Variants in BAIAP2 observed in about 807,000 individuals in gnomAD.
The protein encoded by BAIAP2 is BAR/IMD domain-containing adapter protein 2.
In BAIAP2, 18 loss-of-function variants were observed where a neutral mutation model predicts 63.0. The ratio of observed to expected loss-of-function variants is 0.29; its 90% CI spans 0.20 to 0.42. The LOEUF (loss-of-function observed/expected upper bound fraction) is 0.42. Among genes scored for constraint, BAIAP2 ranks in the 10% least tolerant of loss-of-function variants. The pLI is 1.00. For synonymous variants in BAIAP2, 386 were observed against 307.6 expected, an observed-to-expected ratio of 1.25 and a Z score of -2.67; for missense variants, 610 against 734.3, an observed-to-expected ratio of 0.83 and a Z score of 1.96.
At chr17:81,088,728 C>T (rs2056170737) in intron 6 of BAIAP2, among the ~76,000 whole-genome samples, 1 of 152,236 alleles carries the variant, frequency 6.6e-6, no homozygotes, top group African/African-American at 2.4e-5. Context: ...CTTTTCATGG[C>T]TAAATCGTGT....
chr17:81,047,685 G>A (rs535517668), intron 1 of BAIAP2, among the ~76,000 whole-genome samples: 5 of 150,730 alleles, frequency 3.3e-5, no homozygotes, highest in African/African-American at 9.8e-5. Flanking sequence ...TCCATCTCAT[G>A]CCCACAGCAC....
rs532654157 is a variant in BAIAP2, at chr17:81,108,468, C to T, written c.1501-7C>T. The T allele has an allele frequency of 3.1e-6, 5 of 1,613,772 alleles. No homozygotes were observed. In the South Asian group the frequency reaches 3.3e-5, roughly 11 times the overall value. On this transcript the variant is annotated splice_polypyrimidine_tract_variant and splice_region_variant and intron_variant, in intron 12 of 13. Coordinates refer to ENST00000428708, the MANE Select transcript of BAIAP2 (RefSeq NM_001144888.2). ...CCGGCCTGACATGTTTCTGCCTCTG[C>T]CCCCAGGGCCTGGATGACTATGGAG...
intron 3 of BAIAP2, among the ~76,000 whole-genome samples, chr17:81,063,327 G>C (rs1203553891): frequency 2.0e-5 from 3 of 152,180 alleles, no homozygotes; most frequent in Non-Finnish European, 4.4e-5. Context: ...CTGTGTCTTA[G>C]GGTCCATCTG....
At chr17:81,048,356 C>CAAAAA (rs5822388) in intron 1 of BAIAP2, among the ~76,000 whole-genome samples, 1 of 90,238 alleles carries the variant, frequency 1.1e-5, no homozygotes. Context: ...GACTCTGTCT[C>CAAAAA]AAAAAAAAAA....
At chr17:81,036,989 G>A in intron 1 of BAIAP2, 2 of 1,517,786 alleles carry the variant, frequency 1.3e-6, no homozygotes, top group Non-Finnish European at 1.8e-6. Context: ...TTTTGCTCTG[G>A]GGGACCGACC....
chr17:81,076,964 C>T (rs2053763644), intron 3 of BAIAP2, among the ~76,000 whole-genome samples: 1 of 152,158 alleles, frequency 6.6e-6, no homozygotes, highest in African/African-American at 2.4e-5. Flanking sequence ...AGTGAGACCC[C>T]TGGCTCTAAA....
intron 3 of BAIAP2, among the ~76,000 whole-genome samples, chr17:81,072,573 C>T (rs913818118): frequency 2.0e-5 from 3 of 152,218 alleles, no homozygotes; most frequent in Non-Finnish European, 1.5e-5. Flanking sequence ...ATTCCTGGCC[C>T]CTGTCCGAGA....
At chr17:81,091,725 C>T (rs528408699) in intron 6 of BAIAP2, among the ~76,000 whole-genome samples, 2 of 152,228 alleles carry the variant, frequency 1.3e-5, no homozygotes, top group African/African-American at 2.4e-5. Context: ...AGTGACCCCA[C>T]GCAAGGGTGG....
chr17:81,114,442 CT>C (rs1455693180), intron 13 of BAIAP2, among the ~76,000 whole-genome samples: 1 of 152,124 alleles, frequency 6.6e-6, no homozygotes, highest in African/African-American at 2.4e-5. Flanking sequence ...TAGGCAGCCC[CT>C]ACCCAGGCCC....
At chr17:81,095,628 G>C (rs757717897) in intron 6 of BAIAP2, among the ~76,000 whole-genome samples, 13 of 152,132 alleles carry the variant, frequency 8.5e-5, no homozygotes, top group African/African-American at 3.1e-4. Context: ...AAGGCAGGAG[G>C]TGTCAGCTCC....
At chr17:81,048,607 C>T (rs1339183221) in intron 1 of BAIAP2, among the ~76,000 whole-genome samples, 1 of 152,120 alleles carries the variant, frequency 6.6e-6, no homozygotes, top group Non-Finnish European at 1.5e-5. Context: ...CCAGGCTGGC[C>T]AGCAGTGTCC....
At position 81,040,433 on chromosome 17, in the gene BAIAP2, G is replaced by A. The variant is rs371370674; in HGVS notation, c.54+5125G>A. 1.2e-3 allele frequency among the ~76,000 whole-genome samples: 181 copies of A among 152,344 alleles called. 1 individual carries two copies. Among genetic ancestry groups the A allele is most frequent in the African/African-American group, 4.2e-3 (175 of 41,588 alleles). On this transcript the variant is annotated intron_variant, in intron 1 of 13. Coordinates refer to ENST00000428708, the MANE Select transcript of BAIAP2 (RefSeq NM_001144888.2). The stretch of plus-strand genomic sequence containing the variant: ...AGCGCTGATTCATTCCTGGCCCCTG[G>A]CTGTGCCTGTACAGCTGCACAATGA...
rs564989247 is a variant in BAIAP2, at chr17:81,095,242, C to T, written c.490-4686C>T. The stretch of plus-strand genomic sequence containing the variant: ...CCTGCCCATGGGGCAGGCTCAGGGC[C>T]GTTGTAAATGGCCGGGCTGCCAGGT... On this transcript the variant is annotated intron_variant, in intron 6 of 13. Coordinates refer to ENST00000428708, the MANE Select transcript of BAIAP2 (RefSeq NM_001144888.2). 1.9e-4 allele frequency among the ~76,000 whole-genome samples: 29 copies of T among 152,288 alleles called. 1 individual carries two copies. Among genetic ancestry groups the T allele is most frequent in the Non-Finnish European group, 3.2e-4 (22 of 68,016 alleles).
At position 81,100,041 on chromosome 17, in the gene BAIAP2, G is replaced by A. The variant is rs755169822; in HGVS notation, c.603G>A (p.Gln201=). 2 of 1,612,456 alleles carry A rather than the reference G, an allele frequency of 1.2e-6. No individual in the cohort carries two copies. The highest frequency in any genetic ancestry group is 4.5e-5 in the East Asian group (2 of 44,850). The stretch of plus-strand genomic sequence containing the variant: ...GCTTCTGCTTCCTGGTGGAGAAGCA[G>A]TGCGCCGTGGCCAAGAACTCCGCGG... ...RRRFCFLVEK[Q]CAVAKNSAAY... is the part of the protein sequence containing the mutation. Residue 201 remains glutamine (Q), a synonymous_variant, in exon 7 of 14, where the codon CAG becomes CAA. Transcript: ENST00000428708.
In BAIAP2 at chr17:81,058,001, G is replaced by A. The variant is rs762712120; in HGVS notation, c.217+34G>A. 39 of 1,353,594 alleles carry A rather than the reference G, an allele frequency of 2.9e-5. 2 individuals are homozygous for A. The Admixed American group carries it at 2.9e-4, about 10-fold the overall frequency. 83.8% of individuals were successfully genotyped at this position (1,353,594 alleles called of 1,614,324 possible). A position where few individuals can be genotyped will look rare whatever the true frequency, so the allele number is the denominator to read the frequency against. On this transcript the variant is annotated intron_variant, in intron 3 of 13. Coordinates refer to ENST00000428708, the MANE Select transcript of BAIAP2 (RefSeq NM_001144888.2). Reference sequence around the variant, plus strand: ...CCCCCCCCCCCCCCGCCTGGTAGTCGCCTGATGCCCTCAGGCAGCTCTGGG... The same window carrying A: ...CCCCCCCCCCCCCCGCCTGGTAGTCACCTGATGCCCTCAGGCAGCTCTGGG...
At chr17:81,053,592 C>A (rs2049010982) in intron 1 of BAIAP2, 76 bp from the exon 2 acceptor site, 1 of 1,536,078 alleles carries the variant, frequency 6.5e-7, no homozygotes, top group South Asian at 1.1e-5. Context: ...TGGGTTTTCT[C>A]CTCTGTGTTC....
At chr17:81,076,034 G>A (rs907407224) in intron 3 of BAIAP2, among the ~76,000 whole-genome samples, 4 of 151,924 alleles carry the variant, frequency 2.6e-5, no homozygotes, top group Admixed American at 2.6e-4. Flanking sequence ...GTAATCCTGA[G>A]GTTTGGTAGA....
Position 81,035,286 on chromosome 17 carries a change from G to A in BAIAP2, c.32G>A (p.Arg11Gln). 3 of 1,514,458 alleles carry A rather than the reference G, an allele frequency of 2.0e-6. No homozygotes were observed. Among genetic ancestry groups the A allele is most frequent in the South Asian group, 1.2e-5 (1 of 81,300 alleles). 93.8% of individuals were successfully genotyped at this position (1,514,458 alleles called of 1,614,324 possible). A position where few individuals can be genotyped will look rare whatever the true frequency, so the allele number is the denominator to read the frequency against. The change falls in exon 1 of 14, where the codon CGG becomes CAG. Residue 11 changes from arginine to glutamine, a missense_variant. This residue lies in a region of BAIAP2 where 389 missense variants were observed against 455.6 expected (regional missense o/e 0.85). Coordinates refer to ENST00000428708, the MANE Select transcript of BAIAP2 (RefSeq NM_001144888.2). ...CTGTCTCGCTCAGAGGAGATGCACC[G>A]GCTCACGGAAAATGTCTATAAGGTG... MSLSRSEEMH[R>Q]LTENVYKTIM... is the part of the protein sequence containing the mutation.
chr17:81,100,422 C>T (rs2058331010), intron 7 of BAIAP2, among the ~76,000 whole-genome samples: 1 of 152,180 alleles, frequency 6.6e-6, no homozygotes, highest in South Asian at 2.1e-4. Context: ...GACGGTCATG[C>T]TCCGTGCTGG....
Sources: allele counts gnomAD v4.1 joint callset (sites outside exome capture counted in the v4.1 genomes callset), GRCh38; gene constraint gnomAD v4.1.1; regional missense constraint gnomAD v4.1.1; transcripts MANE v1.5; gene names NCBI Gene and HGNC (gene_info 2026-07-23, HGNC 2026-07-21).